Variants in HSPG2 observed in about 807,000 individuals in gnomAD.
HSPG2 encodes heparan sulfate proteoglycan 2.
In HSPG2, 278 loss-of-function variants were observed where a neutral mutation model predicts 526.6. The ratio of observed to expected loss-of-function variants is 0.53; its 90% CI spans 0.48 to 0.58. The LOEUF (loss-of-function observed/expected upper bound fraction) is 0.58, where lower values mean the gene tolerates loss of function less well. Ranked by LOEUF, HSPG2 falls within the 20% of genes least tolerant of loss-of-function variation. The probability of loss-of-function intolerance (pLI) is 0.00; values close to 1 mark genes in which losing one functional copy is unlikely to be tolerated. For missense variants in HSPG2, 5,354 were observed against 6,099.5 expected, an observed-to-expected ratio of 0.88 and a Z score of 4.07; for synonymous variants, 2,465 against 2,555.4, an observed-to-expected ratio of 0.96 and a Z score of 1.07.
intron 1 of HSPG2, among the ~76,000 whole-genome samples, chr1:21,927,168 G>A (rs1396298800): frequency 1.3e-5 from 2 of 152,200 alleles, no homozygotes; most frequent in East Asian, 1.9e-4. Flanking sequence ...CCCAGGCTCA[G>A]GCCCCAGCCA....
chr1:21,896,326 A>G lies in HSPG2; in HGVS notation c.64-16T>C, dbSNP rs778758100. Reference sequence around the variant, plus strand: ...CATGGGTCACCTGTAAGCAAACGAGAGCTGATTGAGTCACTCTCTCCAGCT... The same window carrying G: ...CATGGGTCACCTGTAAGCAAACGAGGGCTGATTGAGTCACTCTCTCCAGCT... On this transcript the variant is annotated splice_polypyrimidine_tract_variant and intron_variant, in intron 1 of 96. Transcript: ENST00000374695. 10 of 1,611,176 alleles carry G rather than the reference A, an allele frequency of 6.2e-6. No individual in the cohort carries two copies. Among genetic ancestry groups the G allele is most frequent in the Admixed American group, 3.3e-5 (2 of 59,996 alleles).
intron 33 of HSPG2, chr1:21,869,760 C>T: frequency 1.0e-6 from 1 of 981,548 alleles, no homozygotes; most frequent in Middle Eastern, 5.2e-4. Flanking sequence ...AGCCAGCCAC[C>T]CGCTCTGCAC....
At position 21,831,528 on chromosome 1, in the gene HSPG2, A is replaced by C; in HGVS notation, c.11387T>G (p.Leu3796Arg). ...KFQGLDLNEE[L>R]YLGGYPDYGA... ...ATAGTCAGGATAGCCACCCAGGTAG[A>C]GTTCCTCGTTCAGATCCAGGCCCTG... Residue 3796 changes from leucine to arginine, a missense_variant, in exon 83 of 97, where the codon CTC becomes CGC. Coordinates refer to ENST00000374695, the MANE Select transcript of HSPG2 (RefSeq NM_005529.7). 6.2e-7 allele frequency: 1 copy of C among 1,614,122 alleles called. No individual in the cohort carries two copies. Among genetic ancestry groups the C allele is most frequent in the Admixed American group, 1.7e-5 (1 of 60,020 alleles).
At position 21,834,739 on chromosome 1, in the gene HSPG2, G is replaced by A. The variant is rs752853344; in HGVS notation, c.10660C>T (p.Arg3554Cys). 15 of 1,614,060 alleles carry A rather than the reference G, an allele frequency of 9.3e-6. No individual in the cohort carries two copies. The highest frequency in any genetic ancestry group is 4.4e-5 in the South Asian group (4 of 91,096). ...CCAGCTGCGTTGGTGGCAGTGCAGC[G>A]ATACTGTCCCGCATCAGCCAGCTCT... The part of the protein sequence containing the change: ...HVELADAGQY[R>C]CTATNAAGTT... The change falls in exon 77 of 97, where the codon CGC becomes TGC. Residue 3554 changes from arginine (R) to cysteine (C), a missense_variant. Arg to Cys is a radical substitution (Grantham distance 180, BLOSUM62 -3). Coordinates refer to ENST00000374695, the MANE Select transcript of HSPG2 (RefSeq NM_005529.7).
chr1:21,850,207 C>A lies in HSPG2; in HGVS notation c.7295-15G>T. The A allele has an allele frequency of 1.2e-6, 2 of 1,613,260 alleles. No individual in the cohort carries two copies. The highest frequency in any genetic ancestry group is 2.2e-5 in the East Asian group (1 of 44,886). ...GACCCCAAGTGCTGGGGACAGAGGG[C>A]AAAGGGTCAATAGCCGGCTAGGAGG... On this transcript the variant is annotated splice_polypyrimidine_tract_variant and intron_variant, in intron 56 of 96. Coordinates refer to ENST00000374695, the MANE Select transcript of HSPG2 (RefSeq NM_005529.7).
intron 33 of HSPG2, among the ~76,000 whole-genome samples, chr1:21,869,858 G>C (rs1640514124): frequency 6.6e-6 from 1 of 152,244 alleles, no homozygotes; most frequent in South Asian, 2.1e-4. Context: ...GGATATCCCG[G>C]GATGGGTTTG....
intron 30 of HSPG2, 39 bp downstream of exon 30, chr1:21,873,336 G>C: frequency 1.2e-6 from 2 of 1,611,758 alleles, no homozygotes; most frequent in South Asian, 2.2e-5. Flanking sequence ...TAGGGACTCT[G>C]GGTAACCCGA....
rs2290497 is a variant in HSPG2 at position 21,872,462 on chromosome 1, G to A, written c.4030-85C>T. 0.066 allele frequency: 93,001 copies of A among 1,417,618 alleles called. 3,402 individuals are homozygous for A. The highest frequency in any genetic ancestry group is 0.13 in the South Asian group (10,217 of 79,666). 87.8% of individuals were successfully genotyped at this position (1,417,618 alleles called of 1,614,324 possible). A position where few individuals can be genotyped will look rare whatever the true frequency, so the allele number is the denominator to read the frequency against. ...GGGGCACGGGAGGGTGTTAAGGTGC[G>A]GAATGGGGTCCTGTTGAGATCAGGA... On this transcript the variant is annotated intron_variant, in intron 32 of 96. Coordinates refer to ENST00000374695, the MANE Select transcript of HSPG2 (RefSeq NM_005529.7). This position sits in a 1 kb window ranked among gnomAD's most constrained non-coding sequence, Gnocchi z 5.5.
rs1331223982 is a variant in HSPG2 at position 21,873,180 on chromosome 1, T to A, written c.3794-89A>T. 3.2e-6 allele frequency: 4 copies of A among 1,238,166 alleles called. No homozygotes were observed. The Admixed American group carries it at 5.1e-5, about 16-fold the overall frequency. The allele number at this position is 1,238,166 out of a possible 1,614,324, so 76.7% of individuals were successfully genotyped here. A position where few individuals can be genotyped will look rare whatever the true frequency, so the allele number is the denominator to read the frequency against. On this transcript the variant is annotated intron_variant, in intron 30 of 96. Transcript: ENST00000374695. ...ACTCTGCTCACCACTGAGCGGGAGC[T>A]CTGATTTCTGATGTGAGTACTCAAC...
rs767099505 is a variant in HSPG2 at position 21,842,971 on chromosome 1, C to T, written c.8759-50G>A. The T allele has an allele frequency of 1.9e-6, 3 of 1,608,610 alleles. No homozygotes were observed. The South Asian group carries it at 3.3e-5, about 18-fold the overall frequency. ...AGAGGCCAGGCTCCGGGGATCAAGG[C>T]AGGGGCTGAAGGTGGTGGCAGTGAA... On this transcript the variant is annotated intron_variant, in intron 66 of 96. Coordinates refer to ENST00000374695, the MANE Select transcript of HSPG2 (RefSeq NM_005529.7).
At position 21,921,663 on chromosome 1, in the gene HSPG2, C is replaced by A. The variant is rs573178462; in HGVS notation, c.63+15492G>T. 9.2e-4 allele frequency among the ~76,000 whole-genome samples: 140 copies of A among 152,280 alleles called. 1 individual carries two copies. Among genetic ancestry groups the A allele is most frequent in the African/African-American group, 3.2e-3 (131 of 41,532 alleles). On this transcript the variant is annotated intron_variant, in intron 1 of 96. Transcript: ENST00000374695. ...AGAGTAATCATTAACCAGCGCAGAGCCAGTGTGGAAAGCAGGCAGAAGCCC... is the reference window on the plus strand; with the variant it reads ...AGAGTAATCATTAACCAGCGCAGAGACAGTGTGGAAAGCAGGCAGAAGCCC...
chr1:21,868,015 C>A (rs545638739), intron 33 of HSPG2, among the ~76,000 whole-genome samples: 31 of 151,396 alleles, frequency 2.0e-4, no homozygotes, highest in African/African-American at 7.0e-4. Flanking sequence ...TAGGCATGAG[C>A]CACCGCACCC....
At chr1:21,831,840 G>A (rs760897371) in intron 81 of HSPG2, 44 bp from the exon 82 acceptor site, 3 of 1,554,626 alleles carry the variant, frequency 1.9e-6, no homozygotes, top group East Asian at 2.3e-5. Flanking sequence ...TGGATAGGGG[G>A]TTTGTAAGAA....
chr1:21,926,933 A>G (rs1025382785), intron 1 of HSPG2, among the ~76,000 whole-genome samples: 3 of 152,066 alleles, frequency 2.0e-5, no homozygotes, highest in African/African-American at 4.8e-5. Context: ...CCAAACAAGG[A>G]GAGGGTTGAG....
chr1:21,921,689 G>A (rs112438109), intron 1 of HSPG2, among the ~76,000 whole-genome samples: 5 of 152,188 alleles, frequency 3.3e-5, no homozygotes, highest in African/African-American at 9.7e-5. Context: ...GCAGAAGCCC[G>A]GGCTGCGGCA....
chr1:21,904,314 C>T lies in HSPG2; in HGVS notation c.64-8004G>A, dbSNP rs553401242. On this transcript the variant is annotated intron_variant, in intron 1 of 96. Transcript: ENST00000374695. The surrounding 1 kb of genome is among the most constrained non-coding windows in gnomAD (Gnocchi z 4.4). ...AGCAAAGCAGAGAAGGGGAAGAGTG[C>T]GGACCAGGTGGAGGGAAGGGCACAC... Among the ~76,000 whole-genome samples the T allele has an allele frequency of 2.0e-5, 3 of 151,972 alleles. No homozygotes were observed. Among genetic ancestry groups the T allele is most frequent in the Non-Finnish European group, 2.9e-5 (2 of 67,994 alleles).
intron 1 of HSPG2, among the ~76,000 whole-genome samples, chr1:21,896,678 C>T (rs1242386445): frequency 1.3e-5 from 2 of 151,976 alleles, no homozygotes; most frequent in East Asian, 1.9e-4. Flanking sequence ...GGGGTGGCCT[C>T]GGGCAGCGCA....
In HSPG2 at chr1:21,854,946, A is replaced by C. The variant is rs932036601; in HGVS notation, c.6035T>G (p.Ile2012Ser). 11 of 1,613,820 alleles carry C rather than the reference A, an allele frequency of 6.8e-6. No individual in the cohort carries two copies. In the African/African-American group the frequency reaches 1.3e-4, roughly 20 times the overall value. Reference protein sequence around the residue: ...SERTDIATLLIPAITTADAGF... With the variant: ...SERTDIATLLSPAITTADAGF... ...GGCGTCAGCAGTCGTGATGGCTGGG[A>C]TGAGCAGTGTCGCGATGTCTGTGCG... Residue 2012 changes from isoleucine to serine, a missense_variant, in exon 48 of 97, where the codon ATC becomes AGC. By Grantham distance (142) the Ile-to-Ser change is moderately radical. Transcript: ENST00000374695.
intron 1 of HSPG2, among the ~76,000 whole-genome samples, chr1:21,926,312 A>ATG (rs1290889495): frequency 6.6e-6 from 1 of 152,178 alleles, no homozygotes; most frequent in Non-Finnish European, 1.5e-5. Context: ...CTGGTGACCT[A>ATG]TGTGACTGAG....
Sources: allele counts gnomAD v4.1 joint callset (sites outside exome capture counted in the v4.1 genomes callset), GRCh38; gene constraint gnomAD v4.1.1; non-coding constraint Gnocchi (gnomAD v3.1); transcripts MANE v1.5; gene names NCBI Gene and HGNC (gene_info 2026-07-23, HGNC 2026-07-21).